ST6GALNAC3: variants seen among roughly 807,000 people sequenced by gnomAD.
The protein encoded by ST6GALNAC3 is ST6 N-acetylgalactosaminide alpha-2,6-sialyltransferase 3.
ST6GALNAC3 carries 25 observed loss-of-function variants against 32.7 expected under a neutral mutation model. That is an observed-to-expected ratio of 0.76 (90% CI 0.56 to 1.07). ST6GALNAC3 has a LOEUF of 1.07. ST6GALNAC3 is among the 50% of genes least tolerant of loss of function. The probability of loss-of-function intolerance (pLI) is 0.00; values close to 1 mark genes in which losing one functional copy is unlikely to be tolerated. For synonymous variants in ST6GALNAC3, 129 were observed against 133.1 expected (o/e 0.97, Z 0.21); for missense variants, 355 against 382.4 (o/e 0.93, Z 0.60).
At chr1:76,125,185 C>T (rs574247998) in intron 1 of ST6GALNAC3, among the ~76,000 whole-genome samples, 39 of 152,308 alleles carry the variant, frequency 2.6e-4, no homozygotes, top group African/African-American at 8.7e-4. Flanking sequence ...CAGGAGCAGC[C>T]AACAAGGTTT....
chr1:76,581,473 T>C (rs1331138717), intron 3 of ST6GALNAC3, among the ~76,000 whole-genome samples: 2 of 152,180 alleles, frequency 1.3e-5, no homozygotes, highest in Non-Finnish European at 2.9e-5. Flanking sequence ...TGTTCACATA[T>C]ATACACAGCT....
chr1:76,158,643 A>G (rs1051477518), intron 1 of ST6GALNAC3, among the ~76,000 whole-genome samples: 6 of 152,326 alleles, frequency 3.9e-5, no homozygotes, highest in African/African-American at 1.4e-4. Flanking sequence ...AGGTACTTTA[A>G]TTACTACAGG....
At chr1:76,340,311 A>G (rs532937514) in intron 2 of ST6GALNAC3, among the ~76,000 whole-genome samples, 1 of 152,384 alleles carries the variant, frequency 6.6e-6, no homozygotes, top group African/African-American at 2.4e-5. Flanking sequence ...TTTTCCCAAC[A>G]TGGAGCTGAT....
chr1:76,320,263 A>G (rs1382345241), intron 2 of ST6GALNAC3, among the ~76,000 whole-genome samples: 1 of 152,168 alleles, frequency 6.6e-6, no homozygotes, highest in Non-Finnish European at 1.5e-5. Context: ...GGCCAAGGAC[A>G]CTATATGGAA....
intron 1 of ST6GALNAC3, among the ~76,000 whole-genome samples, chr1:76,232,207 A>G (rs1451655520): frequency 6.6e-6 from 1 of 152,214 alleles, no homozygotes; most frequent in Non-Finnish European, 1.5e-5. Flanking sequence ...GTAACCAACA[A>G]TATTGAAAAG....
chr1:76,531,129 G>C (rs1459321978), intron 3 of ST6GALNAC3, among the ~76,000 whole-genome samples: 2 of 152,208 alleles, frequency 1.3e-5, no homozygotes, highest in Admixed American at 1.3e-4. Flanking sequence ...CAAGGGGTGA[G>C]AAGCCACAGA....
At chr1:76,202,304 A>G (rs55853526) in intron 1 of ST6GALNAC3, among the ~76,000 whole-genome samples, 24 of 52,784 alleles carry the variant, frequency 4.5e-4, no homozygotes, top group South Asian at 2.2e-3. Context: ...GTGTGTGTGT[A>G]TGTACATACA....
chr1:76,128,159 A>G (rs1450041717), intron 1 of ST6GALNAC3, among the ~76,000 whole-genome samples: 1 of 152,138 alleles, frequency 6.6e-6, no homozygotes, highest in Non-Finnish European at 1.5e-5. Context: ...TGGAATCCCC[A>G]AGGAGACCTC....
At chr1:76,263,998 T>C (rs1317071055) in intron 1 of ST6GALNAC3, among the ~76,000 whole-genome samples, 1 of 152,138 alleles carries the variant, frequency 6.6e-6, no homozygotes, top group Non-Finnish European at 1.5e-5. Flanking sequence ...AATAGGGAGA[T>C]AAGAGAGGTT....
At chr1:76,595,693 A>G (rs912521939) in intron 3 of ST6GALNAC3, among the ~76,000 whole-genome samples, 1 of 151,264 alleles carries the variant, frequency 6.6e-6, no homozygotes, top group African/African-American at 2.4e-5. Context: ...ACACACGCAC[A>G]CACACACACA....
intron 3 of ST6GALNAC3, among the ~76,000 whole-genome samples, chr1:76,610,291 C>T (rs1435682831): frequency 1.3e-5 from 2 of 152,148 alleles, no homozygotes; most frequent in Non-Finnish European, 2.9e-5. Context: ...GATGAGGCTT[C>T]AAATGTCTTC....
intron 1 of ST6GALNAC3, among the ~76,000 whole-genome samples, chr1:76,289,930 G>T (rs74089849): frequency 0.042 from 6,371 of 152,250 alleles, 437 homozygotes; most frequent in African/African-American, 0.15. Context: ...CCTTGCCTGA[G>T]GTGGAAATGG....
chr1:76,573,711 A>G (rs188994569), intron 3 of ST6GALNAC3, among the ~76,000 whole-genome samples: 6 of 152,064 alleles, frequency 3.9e-5, no homozygotes. Flanking sequence ...TTTAAAAATA[A>G]ATATGAAAAA....
At chr1:76,447,493 G>T (rs1338464473) in intron 3 of ST6GALNAC3, among the ~76,000 whole-genome samples, 2 of 152,276 alleles carry the variant, frequency 1.3e-5, no homozygotes, top group African/African-American at 4.8e-5. Flanking sequence ...GTAACAAGGA[G>T]CTGAATGTTA....
chr1:76,630,767 A>ATTC lies in ST6GALNAC3; in HGVS notation c.*1964_*1966dup. On this transcript the variant is annotated 3_prime_UTR_variant, in exon 5 of 5. Transcript: ENST00000328299. ...AGTTCTATCGTTGGAAGGAGTTGTT[A>ATTC]TTCTTTTGTTGTTCCCTTATGCAAT... 1.0e-6 allele frequency: 1 copy of ATTC among 985,640 alleles called. No individual in the cohort carries two copies. The allele number at this position is 985,640 out of a possible 1,614,324, so 61.1% of individuals were successfully genotyped here. A position where few individuals can be genotyped will look rare whatever the true frequency, so the allele number is the denominator to read the frequency against.
At chr1:76,394,779 C>A (rs1261201883) in intron 2 of ST6GALNAC3, among the ~76,000 whole-genome samples, 2 of 151,988 alleles carry the variant, frequency 1.3e-5, no homozygotes, top group African/African-American at 4.8e-5. Flanking sequence ...ATTAAATAGG[C>A]TCTATATTTC....
rs371374223 is a variant in ST6GALNAC3, at chr1:76,423,862, G to A, written c.623+11445G>A. Among the ~76,000 whole-genome samples, 11 of 151,922 alleles carry A rather than the reference G, an allele frequency of 7.2e-5. No homozygotes were observed. The South Asian group carries it at 2.1e-3, about 29-fold the overall frequency. ...GAGAGAGAAGGGGATATAGTTGGGA[G>A]CTTTTGGGAAGGATTGTCAATCTAT... is the stretch of plus-strand genomic sequence containing the variant. On this transcript the variant is annotated intron_variant, in intron 3 of 4. Coordinates refer to ENST00000328299, the MANE Select transcript of ST6GALNAC3 (RefSeq NM_152996.4).
rs553354576 is a variant in ST6GALNAC3, at chr1:76,455,654, A to C, written c.623+43237A>C. Among the ~76,000 whole-genome samples the C allele has an allele frequency of 1.2e-4, 18 of 152,188 alleles. No homozygotes were observed. The South Asian group carries it at 3.5e-3, about 30-fold the overall frequency. On this transcript the variant is annotated intron_variant, in intron 3 of 4. Coordinates refer to ENST00000328299, the MANE Select transcript of ST6GALNAC3 (RefSeq NM_152996.4). ...TCTTTATTTCAAGTACTGAGGGAAA[A>C]AATTTTTTGCCTTCTCTCTGGGAGA...
intron 1 of ST6GALNAC3, among the ~76,000 whole-genome samples, chr1:76,116,534 G>C (rs1218650180): frequency 6.6e-6 from 1 of 152,132 alleles, no homozygotes; most frequent in Admixed American, 6.6e-5. Flanking sequence ...CCTTGGGGGT[G>C]TTGGAATTGG....
Sources: allele counts gnomAD v4.1 joint callset (sites outside exome capture counted in the v4.1 genomes callset), GRCh38; gene constraint gnomAD v4.1.1; transcripts MANE v1.5; gene names NCBI Gene and HGNC (gene_info 2026-07-23, HGNC 2026-07-21).